Variants in CHST11 observed in about 807,000 individuals in gnomAD.
CHST11 encodes the protein carbohydrate sulfotransferase 11, also known as C4S-1.
A neutral mutation model predicts 30.4 loss-of-function variants in CHST11; 9 were observed. The ratio of observed to expected loss-of-function variants is 0.30; its 90% CI spans 0.18 to 0.52. CHST11 has a LOEUF of 0.52. Ranked by LOEUF, CHST11 falls within the 20% of genes least tolerant of loss-of-function variation. The pLI, the probability that CHST11 is intolerant of heterozygous loss-of-function variation, is 0.97. For synonymous variants in CHST11, 152 were observed against 187.8 expected, an observed-to-expected ratio of 0.81 and a Z score of 1.56; for missense variants, 348 against 460.6, an observed-to-expected ratio of 0.76 and a Z score of 2.24.
At chr12:104,476,221 T>C (rs1369648182) in intron 1 of CHST11, among the ~76,000 whole-genome samples, 1 of 147,910 alleles carries the variant, frequency 6.8e-6, no homozygotes, top group East Asian at 1.9e-4. Flanking sequence ...ATTACATATA[T>C]GTTATATGTA....
At chr12:104,558,213 G>T (rs542181406) in intron 1 of CHST11, among the ~76,000 whole-genome samples, 9 of 152,128 alleles carry the variant, frequency 5.9e-5, no homozygotes, top group African/African-American at 1.2e-4. Context: ...CTGCTGGTGG[G>T]CATGCCAGGG....
rs2040375494 is a variant in CHST11, at chr12:104,744,697, G to T, written c.205-12252G>T. Among the ~76,000 whole-genome samples, 3 of 151,968 alleles carry T rather than the reference G, an allele frequency of 2.0e-5. 1 individual carries two copies. The South Asian group carries it at 6.2e-4, about 31-fold the overall frequency. On this transcript the variant is annotated intron_variant, in intron 2 of 2. Transcript: ENST00000303694. ...TTTTCCCGTGTGTATGTCCTGAGTG[G>T]GATCGCCTAGGTTGTCTTCTAGGGT...
chr12:104,639,658 G>A (rs966910389), intron 2 of CHST11, among the ~76,000 whole-genome samples: 5 of 152,144 alleles, frequency 3.3e-5, no homozygotes, highest in East Asian at 1.9e-4. Context: ...CCATGCATAC[G>A]TGGTCAAGCT....
At chr12:104,721,478 T>C (rs991281381) in intron 2 of CHST11, among the ~76,000 whole-genome samples, 12 of 152,192 alleles carry the variant, frequency 7.9e-5, no homozygotes, top group Non-Finnish European at 1.5e-4. Flanking sequence ...CTTCCTCTTC[T>C]GCAAAATAGG....
chr12:104,469,182 A>G lies in CHST11; in HGVS notation c.118+11653A>G, dbSNP rs75331574. Among the ~76,000 whole-genome samples the G allele has an allele frequency of 3.0e-4, 45 of 152,314 alleles. No homozygotes were observed. The East Asian group carries it at 6.9e-3, about 23-fold the overall frequency. On this transcript the variant is annotated intron_variant, in intron 1 of 2. Transcript: ENST00000303694. ...GATTTACTGAAAGGATCTGACTTCT[A>G]TAAGTGTGAGGCTCCTGTGAATATC...
chr12:104,750,210 A>G (rs1312371126), intron 2 of CHST11, among the ~76,000 whole-genome samples: 1 of 152,036 alleles, frequency 6.6e-6, no homozygotes, highest in African/African-American at 2.4e-5. Context: ...CACAGTAACT[A>G]GGAATGAGGA....
At chr12:104,547,770 A>G (rs970533563) in intron 1 of CHST11, among the ~76,000 whole-genome samples, 1 of 152,170 alleles carries the variant, frequency 6.6e-6, no homozygotes, top group African/African-American at 2.4e-5. Flanking sequence ...ATAGCTATAA[A>G]ATGAGAATAG....
At chr12:104,610,043 CTGTGTGTG>C (rs56983056) in intron 2 of CHST11, among the ~76,000 whole-genome samples, 18,750 of 142,860 alleles carry the variant, frequency 0.13, 1,081 homozygotes, top group Admixed American at 0.16. Context: ...ATGAGTGCCT[CTGTGTGTG>C]TGTGTGTGTG....
rs200487633 is a variant in CHST11 at position 104,728,513 on chromosome 12, A to G, written c.205-28436A>G. ...AGGGGTTGGAGGAGGAATTTCAGAC[A>G]GGAGCCACCCATCTGTCTGAGGTTA... On this transcript the variant is annotated intron_variant, in intron 2 of 2. Coordinates refer to ENST00000303694, the MANE Select transcript of CHST11 (RefSeq NM_018413.6). Among the ~76,000 whole-genome samples the G allele has an allele frequency of 3.6e-4, 55 of 152,200 alleles. No individual in the cohort carries two copies. In the East Asian group the frequency reaches 8.5e-3, roughly 24 times the overall value.
intron 2 of CHST11, among the ~76,000 whole-genome samples, chr12:104,617,623 G>A (rs1468597298): frequency 6.6e-6 from 1 of 152,138 alleles, no homozygotes; most frequent in Non-Finnish European, 1.5e-5. Flanking sequence ...CTGGAAAGCT[G>A]GAATCACTTA....
At chr12:104,521,869 C>T (rs1004424933) in intron 1 of CHST11, among the ~76,000 whole-genome samples, 6 of 152,222 alleles carry the variant, frequency 3.9e-5, no homozygotes, top group African/African-American at 1.4e-4. Flanking sequence ...CCTTTATCCC[C>T]GCTCATGGCT....
rs796468874 is a variant in CHST11 at position 104,618,219 on chromosome 12, C to CT, written c.204+16232dup. On this transcript the variant is annotated intron_variant, in intron 2 of 2. Transcript: ENST00000303694. ...ACTGTGCCTGGCTTCTTCTTCTTTTCTTTTCTTTTTTTTTTTTTTTTTAAA... is the reference window on the plus strand; with the variant it reads ...ACTGTGCCTGGCTTCTTCTTCTTTTCTTTTTCTTTTTTTTTTTTTTTTTAAA... Among the ~76,000 whole-genome samples, 639 of 111,856 alleles carry CT rather than the reference C, an allele frequency of 5.7e-3. 8 individuals carry two copies. The highest frequency in any genetic ancestry group is 0.019 in the Middle Eastern group (3 of 160). The allele number at this position is 111,856 out of a possible 152,430, so 73.4% of individuals were successfully genotyped here.
At chr12:104,477,663 C>G (rs1359375406) in intron 1 of CHST11, among the ~76,000 whole-genome samples, 2 of 152,192 alleles carry the variant, frequency 1.3e-5, no homozygotes, top group South Asian at 4.1e-4. Flanking sequence ...GGAAGTGGGA[C>G]CTTTCCAGAC....
chr12:104,741,902 G>A (rs936868220), intron 2 of CHST11, among the ~76,000 whole-genome samples: 1 of 152,182 alleles, frequency 6.6e-6, no homozygotes, highest in African/African-American at 2.4e-5. Context: ...GGTGGTGTCT[G>A]GGAACCCGCA....
intron 2 of CHST11, among the ~76,000 whole-genome samples, chr12:104,701,244 A>AAATC (rs2039988647): frequency 6.6e-6 from 1 of 152,304 alleles, no homozygotes; most frequent in Non-Finnish European, 1.5e-5. Context: ...CTTTCTGCCC[A>AAATC]GAATGTGTCC....
At chr12:104,745,107 C>G (rs1036091661) in intron 2 of CHST11, among the ~76,000 whole-genome samples, 2 of 152,178 alleles carry the variant, frequency 1.3e-5, no homozygotes, top group African/African-American at 4.8e-5. Context: ...CTCCTGACCT[C>G]AAGTGATCTG....
At chr12:104,567,818 T>TGAATG (rs1169115550) in intron 1 of CHST11, among the ~76,000 whole-genome samples, 3 of 152,160 alleles carry the variant, frequency 2.0e-5, no homozygotes, top group Non-Finnish European at 4.4e-5. Flanking sequence ...TCTGCCTTCA[T>TGAATG]GAATGGAATT....
chr12:104,513,152 G>A (rs1336764220), intron 1 of CHST11, among the ~76,000 whole-genome samples: 1 of 137,208 alleles, frequency 7.3e-6, no homozygotes, highest in Non-Finnish European at 1.6e-5. Flanking sequence ...GGGTGGGGAG[G>A]GAGGGAGAGG....
chr12:104,529,424 A>G (rs1175941496), intron 1 of CHST11, among the ~76,000 whole-genome samples: 1 of 152,236 alleles, frequency 6.6e-6, no homozygotes, highest in Non-Finnish European at 1.5e-5. Flanking sequence ...AAATAAGATC[A>G]TGCATGTAAA....
Sources: gnomAD v4.1 joint callset for allele counts (sites outside exome capture counted in the v4.1 genomes callset) on GRCh38, gnomAD v4.1.1 for gene constraint, MANE v1.5 for transcripts, NCBI Gene and HGNC (gene_info 2026-07-23, HGNC 2026-07-21) for gene names.